Variants in CCDC60 observed in about 807,000 individuals in gnomAD.
CCDC60 encodes coiled-coil domain-containing protein 60.
CCDC60 carries 54 observed loss-of-function variants against 63.5 expected under a neutral mutation model. The ratio of observed to expected loss-of-function variants is 0.85; its 90% CI spans 0.68 to 1.07. The LOEUF is 1.07. Among genes scored for constraint, CCDC60 ranks in the 50% least tolerant of loss-of-function variants. The pLI is 0.00. For missense variants in CCDC60, 651 were observed against 684.3 expected (o/e 0.95, Z 0.54); for synonymous variants, 206 against 238.8 (o/e 0.86, Z 1.27).
chr12:119,382,851 C>T (rs1956022288), intron 1 of CCDC60, among the ~76,000 whole-genome samples: 1 of 152,170 alleles, frequency 6.6e-6, no homozygotes, highest in African/African-American at 2.4e-5. Flanking sequence ...TCACCACCCA[C>T]CCATCCCAAT....
intron 7 of CCDC60, among the ~76,000 whole-genome samples, chr12:119,507,567 TATGTATATATACAC>T (rs1235003891): frequency 3.2e-5 from 2 of 62,944 alleles, no homozygotes; most frequent in African/African-American, 1.7e-4. Context: ...TATATATATA[TATGTATATATACAC>T]ATATATATAC....
At position 119,384,205 on chromosome 12, in the gene CCDC60, A is replaced by G. The variant is rs11829092; in HGVS notation, c.91-44478A>G. 3.6e-3 allele frequency among the ~76,000 whole-genome samples: 548 copies of G among 151,922 alleles called. 2 individuals carry two copies. The highest frequency in any genetic ancestry group is 0.012 in the African/African-American group (507 of 41,454). On this transcript the variant is annotated intron_variant, in intron 1 of 13. Transcript: ENST00000327554. ...AGCAAGACTCCATCTCAAAAAAAAA[A>G]AGAGAGAGAGAGAGACAGAGCTAAG...
intron 8 of CCDC60, among the ~76,000 whole-genome samples, chr12:119,518,866 T>C (rs1457164812): frequency 6.6e-6 from 1 of 152,166 alleles, no homozygotes; most frequent in Non-Finnish European, 1.5e-5. Context: ...CCATAAGGTC[T>C]TCAAAGACAA....
At chr12:119,507,807 C>T (rs748136839) in intron 7 of CCDC60, among the ~76,000 whole-genome samples, 3 of 150,686 alleles carry the variant, frequency 2.0e-5, no homozygotes, top group Non-Finnish European at 3.0e-5. Flanking sequence ...TACTGTGCAC[C>T]GAAAACTGAG....
At chr12:119,507,589 TACATATATA>T (rs1952072461) in intron 7 of CCDC60, among the ~76,000 whole-genome samples, 1 of 41,742 alleles carries the variant, frequency 2.4e-5, no homozygotes, top group African/African-American at 1.7e-4. Context: ...CACATATATA[TACATATATA>T]TATATATATA....
At chr12:119,370,951 G>A (rs947073858) in intron 1 of CCDC60, among the ~76,000 whole-genome samples, 2 of 152,136 alleles carry the variant, frequency 1.3e-5, no homozygotes, top group African/African-American at 2.4e-5. Flanking sequence ...AGGATCCTTT[G>A]AGCCCAGGAG....
intron 7 of CCDC60, among the ~76,000 whole-genome samples, chr12:119,506,737 G>C (rs1304386651): frequency 1.3e-5 from 2 of 152,092 alleles, no homozygotes; most frequent in South Asian, 2.1e-4. Flanking sequence ...ACACAATTTT[G>C]CACAATATTT....
At chr12:119,393,628 C>T (rs756040666) in intron 1 of CCDC60, among the ~76,000 whole-genome samples, 12 of 152,182 alleles carry the variant, frequency 7.9e-5, no homozygotes, top group Non-Finnish European at 1.3e-4. Context: ...TTAATCAACT[C>T]GCCCTTGGAG....
chr12:119,433,527 T>G (rs1293777479), intron 2 of CCDC60: 1 of 702,322 alleles, frequency 1.4e-6, no homozygotes, highest in Non-Finnish European at 2.6e-6. Flanking sequence ...GAATCAGGAT[T>G]CCCCTTCAGA....
At chr12:119,344,855 T>TCTCACACACA (rs1232194303) in intron 1 of CCDC60, among the ~76,000 whole-genome samples, 83 of 114,852 alleles carry the variant, frequency 7.2e-4, no homozygotes, top group East Asian at 2.3e-3. Context: ...TCTCTCTCTC[T>TCTCACACACA]CACACACACA....
At chr12:119,366,659 C>G (rs1393191105) in intron 1 of CCDC60, among the ~76,000 whole-genome samples, 1 of 152,140 alleles carries the variant, frequency 6.6e-6, no homozygotes, top group Non-Finnish European at 1.5e-5. Context: ...ATGGCATGTG[C>G]CTGTTCTCCT....
intron 1 of CCDC60, among the ~76,000 whole-genome samples, chr12:119,390,620 C>T (rs980653529): frequency 6.6e-6 from 1 of 152,120 alleles, no homozygotes; most frequent in Non-Finnish European, 1.5e-5. Context: ...TCTTTGATGA[C>T]CAGAGGAAGC....
intron 1 of CCDC60, among the ~76,000 whole-genome samples, chr12:119,421,248 C>A (rs1487706233): frequency 6.6e-6 from 1 of 152,184 alleles, no homozygotes; most frequent in Non-Finnish European, 1.5e-5. Flanking sequence ...CGGCCATGAC[C>A]TCCAACAAAT....
At chr12:119,349,831 C>T (rs1955636850) in intron 1 of CCDC60, among the ~76,000 whole-genome samples, 1 of 152,166 alleles carries the variant, frequency 6.6e-6, no homozygotes, top group African/African-American at 2.4e-5. Flanking sequence ...ATCTAATCAA[C>T]CCAACTTTAT....
At position 119,522,893 on chromosome 12, in the gene CCDC60, G is replaced by C. The variant is rs373182436; in HGVS notation, c.1041-46G>C. On this transcript the variant is annotated intron_variant, in intron 9 of 13. Transcript: ENST00000327554. The stretch of plus-strand genomic sequence containing the variant: ...GGAGCACTGGGGGCACCCTTTTCTT[G>C]AAAAGCAGACTCTGAGCAACTTGAA... The C allele has an allele frequency of 3.8e-6, 6 of 1,596,996 alleles. No homozygotes were observed. In the Admixed American group the frequency reaches 1.0e-4, roughly 27 times the overall value.
chr12:119,353,219 T>G lies in CCDC60; in HGVS notation c.90+17953T>G, dbSNP rs117328485. Among the ~76,000 whole-genome samples, 881 of 152,234 alleles carry G rather than the reference T, an allele frequency of 5.8e-3. 7 individuals carry two copies. The highest frequency in any genetic ancestry group is 0.017 in the Middle Eastern group (5 of 294). ...GACTTGAAAGGAAGCCAGATTCCAC[T>G]GTTCCTTGTCTGCCTGTGAAGGAAG... On this transcript the variant is annotated intron_variant, in intron 1 of 13. Coordinates refer to ENST00000327554, the MANE Select transcript of CCDC60 (RefSeq NM_178499.5).
chr12:119,378,103 A>G (rs950034961), intron 1 of CCDC60, among the ~76,000 whole-genome samples: 1 of 152,214 alleles, frequency 6.6e-6, no homozygotes, highest in Non-Finnish European at 1.5e-5. Context: ...GATCAGTCGG[A>G]CCAGGTATGA....
intron 2 of CCDC60, among the ~76,000 whole-genome samples, chr12:119,445,978 T>C (rs1198957725): frequency 6.6e-6 from 1 of 152,192 alleles, no homozygotes; most frequent in Non-Finnish European, 1.5e-5. Context: ...CAGTGTATAC[T>C]GCTTAGGTGA....
chr12:119,406,446 C>T (rs1252947924), intron 1 of CCDC60, among the ~76,000 whole-genome samples: 1 of 152,086 alleles, frequency 6.6e-6, no homozygotes, highest in African/African-American at 2.4e-5. Context: ...ATTTTCATCC[C>T]TTCATCCACT....
Sources: gnomAD v4.1 joint callset for allele counts (sites outside exome capture counted in the v4.1 genomes callset) on GRCh38, gnomAD v4.1.1 for gene constraint, MANE v1.5 for transcripts, NCBI Gene and HGNC (gene_info 2026-07-23, HGNC 2026-07-21) for gene names.